RBM39: variants seen among roughly 807,000 people sequenced by gnomAD.
RBM39 encodes RNA-binding protein 39.
In RBM39, 12 loss-of-function variants were observed where a neutral mutation model predicts 79.6. The ratio of observed to expected loss-of-function variants is 0.15; its 90% CI spans 0.10 to 0.24. The LOEUF (loss-of-function observed/expected upper bound fraction) is 0.24, where lower values mean the gene tolerates loss of function less well. RBM39 is among the 10% of genes least tolerant of loss of function. The pLI, the probability that RBM39 is intolerant of heterozygous loss-of-function variation, is 1.00. For synonymous variants in RBM39, 185 were observed against 208.4 expected, an observed-to-expected ratio of 0.89 and a Z score of 0.97; for missense variants, 243 against 653.4, an observed-to-expected ratio of 0.37 and a Z score of 6.85.
At chr20:35,718,983 A>G (rs1173460007) in intron 9 of RBM39, among the ~76,000 whole-genome samples, 1 of 152,026 alleles carries the variant, frequency 6.6e-6, no homozygotes, top group Non-Finnish European at 1.5e-5. Flanking sequence ...AAAAATAATA[A>G]AATAAACCTT....
At chr20:35,714,641 G>A (rs1316614141) in intron 10 of RBM39, among the ~76,000 whole-genome samples, 1 of 152,058 alleles carries the variant, frequency 6.6e-6, no homozygotes, top group Non-Finnish European at 1.5e-5. Context: ...TGAGAACATG[G>A]GGATTGTGGT....
At chr20:35,711,519 G>GT (rs1568996713) in intron 12 of RBM39, among the ~76,000 whole-genome samples, 2 of 152,160 alleles carry the variant, frequency 1.3e-5, no homozygotes, top group Non-Finnish European at 2.9e-5. Context: ...TCTGATTCTT[G>GT]TAAGTATAAA....
Position 35,725,104 on chromosome 20 carries a change from G to A in RBM39, c.468C>T (p.Phe156=), listed in dbSNP as rs1189598186. 5.0e-6 allele frequency: 8 copies of A among 1,611,688 alleles called. No homozygotes were observed. Among genetic ancestry groups the A allele is most frequent in the Non-Finnish European group, 2.5e-6 (3 of 1,179,672 alleles). ...GAATTCTTGCCGCCAGCTGCATACA[G>A]AAGACTGTCCTTGCATCTCTTTCCT... ...TPEERDARTV[F]CMQLAARIRP... is the part of the protein sequence containing the mutation. Residue 156 remains phenylalanine (F), a synonymous_variant, in exon 7 of 17, where the codon TTC becomes TTT. Coordinates refer to ENST00000253363, the MANE Select transcript of RBM39 (RefSeq NM_184234.3).
At chr20:35,724,061 G>C (rs2038345599) in intron 8 of RBM39, among the ~76,000 whole-genome samples, 1 of 151,980 alleles carries the variant, frequency 6.6e-6, no homozygotes, top group South Asian at 2.1e-4. Flanking sequence ...GCCAGGTGTG[G>C]TGGCTCACAA....
rs2035303314 is a variant in RBM39 at position 35,701,939 on chromosome 20, C to A, written c.*2542G>T. On this transcript the variant is annotated 3_prime_UTR_variant, in exon 17 of 17. Coordinates refer to ENST00000253363, the MANE Select transcript of RBM39 (RefSeq NM_184234.3). ...TACCTAGTGGCTTTATCAGAAAAAGCAAAACAGTTCATCCACTGTAAAAAA... is the reference window on the plus strand; with the variant it reads ...TACCTAGTGGCTTTATCAGAAAAAGAAAAACAGTTCATCCACTGTAAAAAA... 6.7e-6 allele frequency: 1 copy of A among 148,594 alleles called. No homozygotes were observed. Among genetic ancestry groups the A allele is most frequent in the African/African-American group, 2.6e-5 (1 of 38,954 alleles). 9.2% of individuals were successfully genotyped at this position (148,594 alleles called of 1,614,324 possible).
chr20:35,737,389 C>CAAAAAA (rs58047560), intron 3 of RBM39, among the ~76,000 whole-genome samples: 1 of 62,256 alleles, frequency 1.6e-5, no homozygotes, highest in Non-Finnish European at 3.3e-5. Context: ...AACTCCATCT[C>CAAAAAA]AAAAAAAAAA....
chr20:35,727,634 C>T (rs1428188967), intron 6 of RBM39, among the ~76,000 whole-genome samples: 1 of 150,714 alleles, frequency 6.6e-6, no homozygotes, highest in Non-Finnish European at 1.5e-5. Flanking sequence ...CACCACCATG[C>T]CCAGCTAATT....
At chr20:35,735,093 GAAAA>G (rs745716815) in intron 3 of RBM39, 3 of 1,529,644 alleles carry the variant, frequency 2.0e-6, no homozygotes, top group Non-Finnish European at 1.7e-6. Context: ...TGGAAAATAA[GAAAA>G]AAAATAGAAA....
chr20:35,734,637 T>C (rs1382027677), intron 3 of RBM39: 4 of 368,394 alleles, frequency 1.1e-5, no homozygotes, highest in South Asian at 1.4e-4. Context: ...CACTTGAAAA[T>C]TGGAGAGCTA....
At chr20:35,730,542 TTAG>T (rs373131818) in intron 4 of RBM39, among the ~76,000 whole-genome samples, 4 of 152,138 alleles carry the variant, frequency 2.6e-5, no homozygotes, top group African/African-American at 9.7e-5. Flanking sequence ...TCTCAAGTAA[TTAG>T]TTATAAGCTA....
chr20:35,729,745 T>A (rs1171071854), intron 4 of RBM39, among the ~76,000 whole-genome samples: 1 of 151,418 alleles, frequency 6.6e-6, no homozygotes, highest in African/African-American at 2.4e-5. Flanking sequence ...AGACCAAAGG[T>A]TACAGCCTCA....
intron 4 of RBM39, among the ~76,000 whole-genome samples, chr20:35,731,036 CTTA>C (rs2039312083): frequency 6.6e-6 from 1 of 152,144 alleles, no homozygotes; most frequent in Non-Finnish European, 1.5e-5. Context: ...TTATCTGAAA[CTTA>C]TTATCTCCTT....
chr20:35,741,553 C>CA (rs2040535720), intron 1 of RBM39: 1 of 152,210 alleles, frequency 6.6e-6, no homozygotes, highest in Non-Finnish European at 1.5e-5. Flanking sequence ...ACTCCAAAAA[C>CA]AGAAACTGGG....
intron 9 of RBM39, chr20:35,720,091 AAT>A (rs1229210972): frequency 3.2e-5 from 5 of 158,256 alleles, no homozygotes; most frequent in African/African-American, 1.2e-4. Context: ...CTGGCCAGTG[AAT>A]ATATTTTTAA....
chr20:35,707,042 AAAAAAAAAAG>A (rs2035829146), intron 14 of RBM39, 68 bp downstream of exon 14: 1 of 667,160 alleles, frequency 1.5e-6, no homozygotes, highest in Non-Finnish European at 2.2e-6. Context: ...AAAAAAAAAA[AAAAAAAAAAG>A]AGAAATATAT....
chr20:35,703,291 TTAAG>T lies in RBM39; in HGVS notation c.*1186_*1189del, dbSNP rs1320826772. The T allele has an allele frequency of 3.3e-5, 5 of 152,208 alleles. No individual in the cohort carries two copies. In the East Asian group the frequency reaches 9.6e-4, roughly 29 times the overall value. The allele number at this position is 152,208 out of a possible 1,614,324, so 9.4% of individuals were successfully genotyped here. A position where few individuals can be genotyped will look rare whatever the true frequency, so the allele number is the denominator to read the frequency against. On this transcript the variant is annotated 3_prime_UTR_variant, in exon 17 of 17. Coordinates refer to ENST00000253363, the MANE Select transcript of RBM39 (RefSeq NM_184234.3). ...ACCAGTTTGAAGTTAAGCCATTTTG[TTAAG>T]TATGTATTGTAAATGGTGAAAATTT...
At chr20:35,734,707 C>A (rs926464756) in intron 3 of RBM39, 3 of 836,876 alleles carry the variant, frequency 3.6e-6, no homozygotes, top group Middle Eastern at 4.0e-4. Context: ...CATCTGAAGG[C>A]AACCCCAGGC....
intron 3 of RBM39, chr20:35,734,691 C>T: frequency 1.6e-6 from 1 of 624,020 alleles, no homozygotes; most frequent in Non-Finnish European, 2.4e-6. Flanking sequence ...AACAAGTCCT[C>T]ACCCACATCT....
chr20:35,715,570 T>C (rs1349822849), intron 10 of RBM39, among the ~76,000 whole-genome samples: 2 of 152,172 alleles, frequency 1.3e-5, no homozygotes, highest in Non-Finnish European at 2.9e-5. Context: ...TAACAGACCT[T>C]CATTTATTTA....
Sources: gnomAD v4.1 joint callset for allele counts (sites outside exome capture counted in the v4.1 genomes callset) on GRCh38, gnomAD v4.1.1 for gene constraint, MANE v1.5 for transcripts, NCBI Gene and HGNC (gene_info 2026-07-23, HGNC 2026-07-21) for gene names.